RNF212: variants seen among roughly 807,000 people sequenced by gnomAD.
RNF212 encodes the protein ring finger protein 212, also known as probable E3 SUMO-protein ligase RNF212.
A neutral mutation model predicts 34.7 loss-of-function variants in RNF212; 33 were observed. The ratio of observed to expected loss-of-function variants is 0.95; its 90% CI spans 0.72 to 1.27. The LOEUF is 1.27. Ranked by LOEUF, RNF212 falls within the 50% of genes most tolerant of loss-of-function variation. The pLI, the probability that RNF212 is intolerant of heterozygous loss-of-function variation, is 0.00. For missense variants in RNF212, 377 were observed against 362.2 expected (o/e 1.04, Z -0.33); for synonymous variants, 140 against 136.1 (o/e 1.03, Z -0.20).
At chr4:1,073,771 A>G (rs945819106) in intron 8 of RNF212, 109 bp from the exon 9 acceptor site, 26 of 737,058 alleles carry the variant, frequency 3.5e-5, no homozygotes, top group Non-Finnish European at 5.3e-5. Context: ...CATCTCCCTC[A>G]TCTTTATCGC....
chr4:1,076,224 C>T (rs1054443270), intron 8 of RNF212, among the ~76,000 whole-genome samples: 1 of 152,196 alleles, frequency 6.6e-6, no homozygotes, highest in Non-Finnish European at 1.5e-5. Context: ...TTAGGCTCTG[C>T]TTCTCCTCCT....
At chr4:1,086,042 A>G in intron 4 of RNF212, 88 bp from the exon 5 acceptor site, 1 of 975,722 alleles carries the variant, frequency 1.0e-6, no homozygotes. Context: ...TTGAATCAGA[A>G]TGTGGGTTAC....
At chr4:1,081,049 G>T (rs1426072376) in intron 7 of RNF212, among the ~76,000 whole-genome samples, 1 of 152,238 alleles carries the variant, frequency 6.6e-6, no homozygotes, top group Non-Finnish European at 1.5e-5. Flanking sequence ...CCAGGTGAAA[G>T]AAGGATTCCA....
At chr4:1,085,558 T>A (rs545117149) in intron 5 of RNF212, among the ~76,000 whole-genome samples, 5 of 152,326 alleles carry the variant, frequency 3.3e-5, no homozygotes, top group African/African-American at 9.6e-5. Flanking sequence ...AGTCCCGCAG[T>A]CCCTGGCTGC....
intron 2 of RNF212, among the ~76,000 whole-genome samples, chr4:1,102,391 G>A (rs914597960): frequency 6.6e-6 from 1 of 152,090 alleles, no homozygotes; most frequent in African/African-American, 2.4e-5. Flanking sequence ...CATCTGAGCA[G>A]GTTTTGTATC....
chr4:1,094,452 G>A (rs911284452), intron 3 of RNF212, among the ~76,000 whole-genome samples: 3 of 152,176 alleles, frequency 2.0e-5, no homozygotes, highest in Non-Finnish European at 2.9e-5. Context: ...TGGGAGGAGG[G>A]TCAGGAAGAA....
intron 5 of RNF212, among the ~76,000 whole-genome samples, chr4:1,083,418 G>A (rs1046170778): frequency 2.6e-4 from 39 of 152,056 alleles, no homozygotes; most frequent in Admixed American, 2.2e-3. Context: ...TGAGGTGGGC[G>A]GATCACCTGA....
downstream of RNF212, among the ~76,000 whole-genome samples, chr4:1,067,880 A>G (rs922755143): frequency 6.6e-6 from 1 of 152,080 alleles, no homozygotes; most frequent in Admixed American, 6.5e-5. Context: ...AAAAAAAAAA[A>G]AAAAAGAAAT....
At chr4:1,074,698 T>TG (rs1416529049) in intron 8 of RNF212, among the ~76,000 whole-genome samples, 1 of 152,186 alleles carries the variant, frequency 6.6e-6, no homozygotes, top group Non-Finnish European at 1.5e-5. Context: ...CTCATGGAGC[T>TG]GTCCACTAAG....
intron 1 of RNF212, among the ~76,000 whole-genome samples, chr4:1,111,083 G>A (rs919841992): frequency 3.9e-5 from 6 of 152,098 alleles, no homozygotes; most frequent in Admixed American, 6.5e-5. Flanking sequence ...TGTTATCTTC[G>A]GGGAACATTA....
At chr4:1,104,196 A>G (rs1005089560) in intron 2 of RNF212, among the ~76,000 whole-genome samples, 1 of 152,234 alleles carries the variant, frequency 6.6e-6, no homozygotes, top group Non-Finnish European at 1.5e-5. Flanking sequence ...CACAATAACA[A>G]TCCCAACAGG....
At chr4:1,111,070 C>A (rs1271873979) in intron 1 of RNF212, among the ~76,000 whole-genome samples, 4 of 152,224 alleles carry the variant, frequency 2.6e-5, no homozygotes, top group African/African-American at 9.7e-5. Flanking sequence ...TCATTCCTAA[C>A]AATGTTATCT....
At chr4:1,082,004 A>T in intron 5 of RNF212, 1 of 257,428 alleles carries the variant, frequency 3.9e-6, no homozygotes, top group Non-Finnish European at 7.6e-6. Context: ...TCATCCCAAC[A>T]CTTTGGGAGG....
intron 2 of RNF212, among the ~76,000 whole-genome samples, chr4:1,105,345 T>C (rs1484591615): frequency 6.6e-6 from 1 of 151,850 alleles, no homozygotes; most frequent in Non-Finnish European, 1.5e-5. Context: ...CCCCAGGCAC[T>C]GGCTTCAGTC....
Position 1,066,331 on chromosome 4 carries a change from C to T in RNF212, n.147+7268G>A, listed in dbSNP as rs75675349. Among the ~76,000 whole-genome samples the T allele has an allele frequency of 6.9e-3, 1,047 of 152,120 alleles. 7 individuals are homozygous for T. Among genetic ancestry groups the T allele is most frequent in the Middle Eastern group, 0.041 (12 of 294 alleles). On this transcript the variant is annotated intron_variant and non_coding_transcript_variant, in intron 3 of 4. Transcript: ENST00000503206. ...CCTATTCAAGTCATTTGCTGCCCTCCGCTTTTCTTTTTTCTGAGACAGGGT... is the reference window on the plus strand; with the variant it reads ...CCTATTCAAGTCATTTGCTGCCCTCTGCTTTTCTTTTTTCTGAGACAGGGT...
intron 7 of RNF212, among the ~76,000 whole-genome samples, chr4:1,080,469 C>T (rs942570938): frequency 6.6e-6 from 1 of 152,186 alleles, no homozygotes; most frequent in Non-Finnish European, 1.5e-5. Flanking sequence ...CAGTGGCCAC[C>T]TCCCTGTGGG....
intron 4 of RNF212, among the ~76,000 whole-genome samples, chr4:1,058,117 C>T (rs116676505): frequency 6.4e-4 from 97 of 151,638 alleles, no homozygotes; most frequent in African/African-American, 2.2e-3. Flanking sequence ...TGACTCAAAG[C>T]GTGTAAAAAC....
intron 2 of RNF212, among the ~76,000 whole-genome samples, chr4:1,107,056 AT>A (rs963709472): frequency 3.4e-3 from 483 of 143,240 alleles, no homozygotes; most frequent in Middle Eastern, 7.1e-3. Context: ...AGAAGATACC[AT>A]TTTTTTTTTT....
intron 2 of RNF212, among the ~76,000 whole-genome samples, 171 bp from the exon 3 acceptor site, chr4:1,097,010 A>G (rs962786377): frequency 6.6e-6 from 1 of 152,336 alleles, no homozygotes; most frequent in Admixed American, 6.5e-5. Flanking sequence ...TCAACAGGAC[A>G]GCCCCTCGTC....
Sources: gnomAD v4.1 joint callset for allele counts (sites outside exome capture counted in the v4.1 genomes callset) on GRCh38, gnomAD v4.1.1 for gene constraint, MANE v1.5 for transcripts, NCBI Gene and HGNC (gene_info 2026-07-23, HGNC 2026-07-21) for gene names.